The following LSG1 variants were observed in gnomAD, a reference collection of about 807,000 sequenced individuals.
LSG1 encodes the protein large 60S subunit nuclear export GTPase 1, also known as large subunit GTPase 1 homolog.
LSG1 carries 55 observed loss-of-function variants against 82.6 expected under a neutral mutation model. The ratio of observed to expected loss-of-function variants is 0.67; its 90% CI spans 0.54 to 0.83. The LOEUF (loss-of-function observed/expected upper bound fraction) is 0.83, where lower values mean the gene tolerates loss of function less well. Ranked by LOEUF, LSG1 falls within the 40% of genes least tolerant of loss-of-function variation. LSG1 has a pLI of 0.00. For synonymous variants in LSG1, 272 were observed against 282.5 expected (o/e 0.96, Z 0.37); for missense variants, 809 against 807.9 (o/e 1.00, Z -0.02).
chr3:194,669,964 T>A, intron 2 of LSG1, 45 bp downstream of exon 2: 1 of 1,577,906 alleles, frequency 6.3e-7, no homozygotes, highest in Non-Finnish European at 8.6e-7. Context: ...CAGCCCCAGA[T>A]GGAAATGTGA....
At chr3:194,652,630 T>G (rs1203258574) in intron 8 of LSG1, 99 bp downstream of exon 8, 7 of 1,323,168 alleles carry the variant, frequency 5.3e-6, no homozygotes, top group Admixed American at 2.1e-5. Context: ...TTCCCTACGA[T>G]GCCGGAAGCC....
At position 194,648,075 on chromosome 3, in the gene LSG1, A is replaced by ATTTT. The variant is rs990548703; in HGVS notation, c.1543+602_1543+605dup. The stretch of plus-strand genomic sequence containing the variant: ...GCACGGAAATGTTTCCCACACTGCT[A>ATTTT]TTTTTTTTTTTTTTTTTTTTTTTAG... On this transcript the variant is annotated intron_variant, in intron 11 of 13. Transcript: ENST00000265245. Among the ~76,000 whole-genome samples the ATTTT allele has an allele frequency of 5.3e-3, 626 of 117,898 alleles. 6 individuals are homozygous for ATTTT. The highest frequency in any genetic ancestry group is 0.019 in the African/African-American group (598 of 30,908). The allele number at this position is 117,898 out of a possible 152,430, so 77.3% of individuals were successfully genotyped here. A position where few individuals can be genotyped will look rare whatever the true frequency, so the allele number is the denominator to read the frequency against.
At chr3:194,657,465 T>G (rs1718816845) in intron 7 of LSG1, among the ~76,000 whole-genome samples, 1 of 150,748 alleles carries the variant, frequency 6.6e-6, no homozygotes, top group African/African-American at 2.4e-5. Flanking sequence ...TAAGTTTTTT[T>G]TTTTTTTTTT....
At chr3:194,647,146 T>C (rs1310008885) in intron 11 of LSG1, among the ~76,000 whole-genome samples, 1 of 152,154 alleles carries the variant, frequency 6.6e-6, no homozygotes, top group African/African-American at 2.4e-5. Context: ...AGATTAAAAA[T>C]CTAAATGTTA....
At chr3:194,659,920 C>T (rs1335607957) in intron 6 of LSG1, among the ~76,000 whole-genome samples, 153 bp downstream of exon 6, 2 of 152,148 alleles carry the variant, frequency 1.3e-5, no homozygotes, top group Non-Finnish European at 2.9e-5. Flanking sequence ...TCAACAGTGG[C>T]GTTCTGCAAG....
chr3:194,648,992 A>C, intron 10 of LSG1, 188 bp from the exon 11 acceptor site: 1 of 523,890 alleles, frequency 1.9e-6, no homozygotes, highest in South Asian at 2.8e-5. Flanking sequence ...CAAGGCCTTA[A>C]GCTCCCACGA....
chr3:194,647,759 T>G (rs1718583614), intron 11 of LSG1, among the ~76,000 whole-genome samples: 2 of 152,214 alleles, frequency 1.3e-5, no homozygotes, highest in South Asian at 4.1e-4. Flanking sequence ...GCTATTCCAC[T>G]GACCAGCCAC....
chr3:194,654,596 G>A (rs981500631), intron 7 of LSG1, among the ~76,000 whole-genome samples: 5 of 152,190 alleles, frequency 3.3e-5, no homozygotes, highest in African/African-American at 9.7e-5. Flanking sequence ...AATGAGCAGC[G>A]AAGGTAAAGA....
intron 2 of LSG1, 84 bp from the exon 3 acceptor site, chr3:194,666,656 A>G: frequency 2.6e-6 from 3 of 1,137,560 alleles, no homozygotes; most frequent in Non-Finnish European, 3.8e-6. Flanking sequence ...TGAGAAAACT[A>G]AAAATGAGAG....
rs753736679 is a variant in LSG1, at chr3:194,650,973, T to C, written c.1327A>G (p.Met443Val). The change falls in exon 10 of 14, where the codon ATG (methionine) becomes GTG (valine). Residue 443 changes from methionine to valine, a missense_variant. Transcript: ENST00000265245. The part of the protein sequence containing the change: ...LCLCDCPGLV[M>V]PSFVSTKAEM... ...GCCTTGGTAGACACAAAAGATGGCA[T>C]CACCAAGCCAGGACAGTCACACAGG... 32 of 1,613,996 alleles carry C rather than the reference T, an allele frequency of 2.0e-5. No homozygotes were observed. Among genetic ancestry groups the C allele is most frequent in the Non-Finnish European group, 2.5e-5 (30 of 1,180,022 alleles).
In LSG1 at chr3:194,658,855, C is replaced by G; in HGVS notation, c.759+102G>C. ...GCACACAGAGGAAAAACTCTAATTC[C>G]CACAGATTTTCCATAAGAATAAACA... On this transcript the variant is annotated intron_variant, in intron 7 of 13. Coordinates refer to ENST00000265245, the MANE Select transcript of LSG1 (RefSeq NM_018385.3). The G allele has an allele frequency of 3.4e-6, 4 of 1,188,978 alleles. No homozygotes were observed. In the South Asian group the frequency reaches 6.0e-5, roughly 18 times the overall value. 73.7% of individuals were successfully genotyped at this position (1,188,978 alleles called of 1,614,324 possible). A position where few individuals can be genotyped will look rare whatever the true frequency, so the allele number is the denominator to read the frequency against.
At chr3:194,649,619 G>A (rs1718630663) in intron 10 of LSG1, among the ~76,000 whole-genome samples, 1 of 151,926 alleles carries the variant, frequency 6.6e-6, no homozygotes. Context: ...GAACCCAGGA[G>A]GTGGAGGTTG....
intron 7 of LSG1, among the ~76,000 whole-genome samples, chr3:194,655,887 A>G (rs1359720009): frequency 6.6e-6 from 1 of 152,212 alleles, no homozygotes; most frequent in Non-Finnish European, 1.5e-5. Context: ...CCTGACAAAA[A>G]CAAGCAATGG....
chr3:194,650,662 T>A, intron 10 of LSG1: 1 of 428,908 alleles, frequency 2.3e-6, no homozygotes, highest in East Asian at 4.1e-5. Context: ...GAACTGAGTA[T>A]CTGAAACCTG....
In LSG1 at chr3:194,650,912, T is replaced by C; in HGVS notation, c.1388A>G (p.Gln463Arg). 3 of 1,614,120 alleles carry C rather than the reference T, an allele frequency of 1.9e-6. No individual in the cohort carries two copies. The highest frequency in any genetic ancestry group is 2.2e-5 in the East Asian group (1 of 44,892). ...MTCSGILPID[Q>R]MRDHVPPVSL... Reference sequence around the variant, plus strand: ...TACAGGAGGAACATGATCTCTCATCTGATCAATTGGGAGGATTCCGCTGCA... The same window carrying C: ...TACAGGAGGAACATGATCTCTCATCCGATCAATTGGGAGGATTCCGCTGCA... Residue 463 changes from glutamine (Q) to arginine (R), a missense_variant, in exon 10 of 14, where the codon CAG becomes CGG. By Grantham distance (43) the Gln-to-Arg change is conservative (BLOSUM62 1). Transcript: ENST00000265245.
intron 10 of LSG1, among the ~76,000 whole-genome samples, chr3:194,649,904 AGTTT>A: frequency 6.7e-6 from 1 of 149,548 alleles, no homozygotes; most frequent in African/African-American, 2.5e-5. Flanking sequence ...CAGACCTTGC[AGTTT>A]TTTTTTTCTT....
intron 12 of LSG1, among the ~76,000 whole-genome samples, chr3:194,645,581 C>CACACACAG: frequency 1.5e-5 from 1 of 65,588 alleles, no homozygotes; most frequent in South Asian, 6.4e-4. Context: ...GACAGACACA[C>CACACACAG]ACACACACAC....
rs552315412 is a variant in LSG1 at position 194,671,301 on chromosome 3, G to C, written c.99+763C>G. Among the ~76,000 whole-genome samples the C allele has an allele frequency of 9.8e-4, 149 of 152,316 alleles. 1 individual carries two copies. The highest frequency in any genetic ancestry group is 2.7e-3 in the South Asian group (13 of 4,828). Reference sequence around the variant, plus strand: ...AAAATTACCAGTAATCTAATGTCCAGAGTAACTCTGACCTGATGAATACTG... The same window carrying C: ...AAAATTACCAGTAATCTAATGTCCACAGTAACTCTGACCTGATGAATACTG... On this transcript the variant is annotated intron_variant, in intron 1 of 13. Transcript: ENST00000265245.
chr3:194,658,309 G>A (rs1331311769), intron 7 of LSG1, among the ~76,000 whole-genome samples: 2 of 151,906 alleles, frequency 1.3e-5, no homozygotes, highest in South Asian at 2.1e-4. Flanking sequence ...CACCATGCCC[G>A]GCTAATGTTG....
Sources: allele counts gnomAD v4.1 joint callset (sites outside exome capture counted in the v4.1 genomes callset), GRCh38; gene constraint gnomAD v4.1.1; transcripts MANE v1.5; gene names NCBI Gene and HGNC (gene_info 2026-07-23, HGNC 2026-07-21).